Variants in ACSL6 observed in about 807,000 individuals in gnomAD.
The protein encoded by ACSL6 is long-chain-fatty-acid--CoA ligase 6.
In ACSL6, 47 loss-of-function variants were observed where a neutral mutation model predicts 98.2. The ratio of observed to expected loss-of-function variants is 0.48; its 90% CI spans 0.38 to 0.61. ACSL6 has a LOEUF of 0.61. Ranked by LOEUF, ACSL6 falls within the 20% of genes least tolerant of loss-of-function variation. The pLI is 0.00. For missense variants in ACSL6, 761 were observed against 913.4 expected (o/e 0.83, Z 2.15); for synonymous variants, 362 against 336.9 (o/e 1.07, Z -0.82).
rs1485924322 is a variant in ACSL6, at chr5:131,994,096, A to T, written c.205T>A (p.Phe69Ile). 6.2e-7 allele frequency: 1 copy of T among 1,614,184 alleles called. No homozygotes were observed. The highest frequency in any genetic ancestry group is 1.1e-5 in the South Asian group (1 of 91,082). The part of the protein sequence containing the change: ...GALAAILAYW[F>I]THRPKALQPP... ...TGCAAGGCCTTTGGCCGGTGAGTGA[A>T]CCAGTAGGCAAGGATGGCAGCCAGG... Residue 69 changes from phenylalanine (F) to isoleucine (I), a missense_variant, in exon 2 of 21, where the codon TTC (phenylalanine) becomes ATC (isoleucine). Physicochemically the swap from Phe to Ile is conservative, Grantham distance 21. Transcript: ENST00000651883.
chr5:131,959,695 A>G (rs1752597392), intron 19 of ACSL6, 88 bp from the exon 20 acceptor site: 3 of 1,279,420 alleles, frequency 2.3e-6, no homozygotes, highest in Non-Finnish European at 3.4e-6. Flanking sequence ...GTAAAGTACA[A>G]CTGATGATTG....
chr5:132,010,996 A>G (rs1236024246), intron 1 of ACSL6, among the ~76,000 whole-genome samples: 1 of 152,172 alleles, frequency 6.6e-6, no homozygotes, highest in Non-Finnish European at 1.5e-5. Flanking sequence ...CCTACCTTAC[A>G]GAAATCTTGT....
chr5:131,967,226 G>C (rs755077188), intron 16 of ACSL6, among the ~76,000 whole-genome samples: 5 of 152,006 alleles, frequency 3.3e-5, no homozygotes, highest in African/African-American at 7.2e-5. Flanking sequence ...ACATGCCTGT[G>C]GTCCTAGCTA....
intron 17 of ACSL6, 120 bp downstream of exon 17, chr5:131,966,296 G>A: frequency 1.1e-6 from 1 of 918,472 alleles, no homozygotes; most frequent in Non-Finnish European, 1.8e-6. Flanking sequence ...AGGCCCCAGA[G>A]GTGCTCCTGA....
chr5:131,982,128 A>ACAGGCGTGAGCCACCGCGCCCGG (rs1753931315), intron 9 of ACSL6: 1 of 134,758 alleles, frequency 7.4e-6, no homozygotes. Flanking sequence ...AGTGCTGGGA[A>ACAGGCGTGAGCCACCGCGCCCGG]GACCAGTCTT....
intron 7 of ACSL6, 75 bp downstream of exon 7, chr5:131,987,973 G>T: frequency 6.4e-7 from 1 of 1,567,650 alleles, no homozygotes; most frequent in Non-Finnish European, 8.7e-7. Context: ...GCATGAGAGG[G>T]ACAGATAACC....
chr5:131,983,753 A>G (rs759940034), intron 9 of ACSL6: 7 of 152,310 alleles, frequency 4.6e-5, no homozygotes, highest in Non-Finnish European at 7.3e-5. Flanking sequence ...ATAGTAAATC[A>G]CAGCCTATGT....
chr5:131,960,532 G>C lies in ACSL6; in HGVS notation c.1947C>G (p.Leu649=). ...CCAAGATACCAACCTTATTTGTGCA[G>C]AGATCTGCATATGTTCCTTCAATTC... ...KRGIEGTYAD[L]CTNKDLKKAI... is the part of the protein sequence containing the mutation. The change falls in exon 19 of 21, where the codon CTC becomes CTG. Residue 649 remains leucine, a synonymous_variant. Transcript: ENST00000651883. The C allele has an allele frequency of 6.2e-7, 1 of 1,613,616 alleles. No individual in the cohort carries two copies. The highest frequency in any genetic ancestry group is 2.2e-5 in the East Asian group (1 of 44,866).
intron 1 of ACSL6, among the ~76,000 whole-genome samples, chr5:131,995,245 G>T (rs1475319699): frequency 2.0e-5 from 3 of 152,148 alleles, no homozygotes; most frequent in Admixed American, 6.5e-5. Flanking sequence ...CAGGCCCCAG[G>T]GGCCTGCGGC....
intron 20 of ACSL6, among the ~76,000 whole-genome samples, chr5:131,954,664 C>T (rs886871654): frequency 2.0e-5 from 3 of 152,144 alleles, no homozygotes; most frequent in African/African-American, 7.2e-5. Context: ...AGGGAGCGCA[C>T]ATTCACGTCC....
At chr5:131,959,474 G>A in intron 20 of ACSL6, 62 bp downstream of exon 20, 3 of 1,549,932 alleles carry the variant, frequency 1.9e-6, no homozygotes, top group East Asian at 4.5e-5. Flanking sequence ...GTCACCATGG[G>A]TTAATTTAAT....
chr5:131,959,841 C>A, intron 19 of ACSL6: 2 of 543,536 alleles, frequency 3.7e-6, no homozygotes, highest in Non-Finnish European at 6.6e-6. Context: ...AGGGACCACT[C>A]AATTTTTTTT....
chr5:131,992,209 C>A (rs1754562942), intron 2 of ACSL6, among the ~76,000 whole-genome samples: 1 of 152,192 alleles, frequency 6.6e-6, no homozygotes, highest in African/African-American at 2.4e-5. Flanking sequence ...GTAGGCGATT[C>A]ATGGAGCTCC....
chr5:131,994,195 G>T lies in ACSL6; in HGVS notation c.106C>A (p.Arg36=). ...MQTQEILRIL[R]LPELGDLGQF... ...CCCAAGTCACCTAGCTCAGGCAGTCGCAGTATCCTCAGGATCTCCTGTGTC... is the reference window on the plus strand; with the variant it reads ...CCCAAGTCACCTAGCTCAGGCAGTCTCAGTATCCTCAGGATCTCCTGTGTC... Residue 36 remains arginine (R), a synonymous_variant, in exon 2 of 21, where the codon CGA becomes AGA. Transcript: ENST00000651883. The T allele has an allele frequency of 6.2e-7, 1 of 1,614,098 alleles. No individual in the cohort carries two copies. Among genetic ancestry groups the T allele is most frequent in the Non-Finnish European group, 8.5e-7 (1 of 1,179,994 alleles).
chr5:131,959,162 A>G (rs1752571873), intron 20 of ACSL6, among the ~76,000 whole-genome samples: 2 of 152,178 alleles, frequency 1.3e-5, no homozygotes, highest in Admixed American at 1.3e-4. Context: ...TGTCCTCCTA[A>G]CAAGTAAACT....
chr5:131,994,129 T>A lies in ACSL6; in HGVS notation c.172A>T (p.Met58Leu), dbSNP rs537576803. The part of the protein sequence containing the change: ...RSLSATTLVS[M>L]GALAAILAYW... ...GCAAGGATGGCAGCCAGGGCACCCA[T>A]ACTCACGAGGGTGGTGGCCGAGAGG... The change falls in exon 2 of 21, where the codon ATG (methionine) becomes TTG (leucine). Residue 58 changes from methionine (M) to leucine (L), a missense_variant. Met to Leu is a conservative substitution (Grantham distance 15). Coordinates refer to ENST00000651883, the MANE Select transcript of ACSL6 (RefSeq NM_001009185.3). The A allele has an allele frequency of 1.2e-6, 2 of 1,614,068 alleles. No homozygotes were observed. The highest frequency in any genetic ancestry group is 3.3e-5 in the Admixed American group (2 of 60,014).
intron 5 of ACSL6, 49 bp downstream of exon 5, chr5:131,989,358 A>C: frequency 6.4e-7 from 1 of 1,562,826 alleles, no homozygotes; most frequent in South Asian, 1.1e-5. Flanking sequence ...CATGGCAGCC[A>C]ACCCCTACCC....
At chr5:131,960,188 T>G (rs1328272566) in intron 19 of ACSL6, among the ~76,000 whole-genome samples, 2 of 152,204 alleles carry the variant, frequency 1.3e-5, no homozygotes, top group African/African-American at 4.8e-5. Flanking sequence ...TGCTCACATC[T>G]GACTCTGCTG....
chr5:131,992,210 A>T, intron 2 of ACSL6, among the ~76,000 whole-genome samples: 1 of 152,316 alleles, frequency 6.6e-6, no homozygotes, highest in East Asian at 1.9e-4. Context: ...TAGGCGATTC[A>T]TGGAGCTCCA....
Sources: allele counts gnomAD v4.1 joint callset (sites outside exome capture counted in the v4.1 genomes callset), GRCh38; gene constraint gnomAD v4.1.1; transcripts MANE v1.5; gene names NCBI Gene and HGNC (gene_info 2026-07-23, HGNC 2026-07-21).